Variants in DOCK1 observed in about 807,000 individuals in gnomAD.
The protein encoded by DOCK1 is dedicator of cytokinesis protein 1.
Under a neutral mutation model 262.7 loss-of-function variants are expected in DOCK1, and 138 were observed. The observed-to-expected ratio is 0.53, with a 90% CI of 0.46 to 0.61. DOCK1 has a LOEUF of 0.61. Ranked by LOEUF, DOCK1 falls within the 20% of genes least tolerant of loss-of-function variation. DOCK1 has a pLI of 0.00. For missense variants in DOCK1, 1,908 were observed against 2,370.7 expected (o/e 0.80, Z 4.05); for synonymous variants, 866 against 867.4 (o/e 1.00, Z 0.03).
intron 29 of DOCK1, among the ~76,000 whole-genome samples, chr10:127,317,001 C>A (rs192985685): frequency 6.6e-6 from 1 of 152,270 alleles, no homozygotes; most frequent in East Asian, 1.9e-4. Flanking sequence ...CTGGCTAAAG[C>A]GAGCTGACTT....
chr10:127,142,445 C>G (rs1382539961), intron 27 of DOCK1, among the ~76,000 whole-genome samples: 1 of 152,138 alleles, frequency 6.6e-6, no homozygotes, highest in Non-Finnish European at 1.5e-5. Flanking sequence ...GTGTCCATGT[C>G]ATGAGGAATT....
intron 25 of DOCK1, among the ~76,000 whole-genome samples, chr10:127,118,859 G>GACCT (rs1242331551): frequency 6.6e-6 from 1 of 152,218 alleles, no homozygotes. Context: ...AAGGAAAAGT[G>GACCT]ACCTACCAAG....
intron 49 of DOCK1, among the ~76,000 whole-genome samples, chr10:127,439,578 G>C (rs1485868840): frequency 6.6e-6 from 1 of 152,182 alleles, no homozygotes; most frequent in African/African-American, 2.4e-5. Flanking sequence ...AACAGTCCTT[G>C]GTGTCCGCTA....
In DOCK1 at chr10:127,449,213, G is replaced by A. The variant is rs2050324; in HGVS notation, c.5565+1668G>A. 4.7e-3 allele frequency among the ~76,000 whole-genome samples: 713 copies of A among 152,308 alleles called. 6 individuals carry two copies. The highest frequency in any genetic ancestry group is 0.017 in the African/African-American group (688 of 41,542). On this transcript the variant is annotated intron_variant, in intron 51 of 51. Coordinates refer to ENST00000623213, the MANE Select transcript of DOCK1 (RefSeq NM_001290223.2). ...CCCGGCCATTTCTAACTACTTGTGA[G>A]AGTAAAAGGAGATTCGGGGGGGTCT...
At chr10:127,192,474 T>G (rs532234310) in intron 27 of DOCK1, 2 of 152,368 alleles carry the variant, frequency 1.3e-5, no homozygotes, top group South Asian at 4.1e-4. Context: ...TGTTTTGTTT[T>G]TATTCAGGTA....
At chr10:127,275,908 C>T (rs1200007612) in intron 29 of DOCK1, among the ~76,000 whole-genome samples, 2 of 152,220 alleles carry the variant, frequency 1.3e-5, no homozygotes, top group Admixed American at 6.5e-5. Context: ...ATTAATATTT[C>T]ACCTTTCACC....
intron 29 of DOCK1, among the ~76,000 whole-genome samples, chr10:127,278,729 G>A (rs2060836168): frequency 6.6e-6 from 1 of 152,214 alleles, no homozygotes; most frequent in Non-Finnish European, 1.5e-5. Context: ...TCAAAAAGAT[G>A]TGTTGTTTCT....
chr10:127,315,762 A>G (rs1445739981), intron 29 of DOCK1, among the ~76,000 whole-genome samples: 1 of 152,112 alleles, frequency 6.6e-6, no homozygotes, highest in Admixed American at 6.5e-5. Context: ...CAGTGGCGCA[A>G]TCTCGGCTCA....
chr10:127,423,282 T>C (rs539051414), intron 46 of DOCK1, among the ~76,000 whole-genome samples: 71 of 152,238 alleles, frequency 4.7e-4, no homozygotes, highest in African/African-American at 1.7e-3. Flanking sequence ...CTCCTGGGAG[T>C]CCCAGGACTC....
At chr10:127,325,393 G>T (rs1185471779) in intron 29 of DOCK1, among the ~76,000 whole-genome samples, 1 of 152,152 alleles carries the variant, frequency 6.6e-6, no homozygotes, top group African/African-American at 2.4e-5. Flanking sequence ...ACTGTTCTGG[G>T]CACTCTATGC....
At chr10:127,029,766 A>G (rs748460712) in intron 16 of DOCK1, among the ~76,000 whole-genome samples, 5 of 152,160 alleles carry the variant, frequency 3.3e-5, no homozygotes, top group African/African-American at 4.8e-5. Flanking sequence ...AGGTGCACTT[A>G]CTGTACTACT....
At chr10:127,009,089 T>C (rs1302507366) in intron 11 of DOCK1, among the ~76,000 whole-genome samples, 4 of 152,348 alleles carry the variant, frequency 2.6e-5, no homozygotes, top group African/African-American at 9.6e-5. Context: ...AGCCTGAATG[T>C]TTCTTTACAT....
At chr10:126,947,063 G>T (rs964868459) in intron 1 of DOCK1, among the ~76,000 whole-genome samples, 1 of 152,248 alleles carries the variant, frequency 6.6e-6, no homozygotes, top group African/African-American at 2.4e-5. Context: ...CTTGGCAGCA[G>T]CATGCCCTCC....
chr10:127,184,610 T>C (rs1194251704), intron 27 of DOCK1, among the ~76,000 whole-genome samples: 1 of 151,910 alleles, frequency 6.6e-6, no homozygotes, highest in African/African-American at 2.4e-5. Flanking sequence ...TATAAGATCA[T>C]CTATACTTTT....
At chr10:127,097,546 C>A (rs1294709036) in intron 23 of DOCK1, among the ~76,000 whole-genome samples, 1 of 152,176 alleles carries the variant, frequency 6.6e-6, no homozygotes, top group Admixed American at 6.5e-5. Context: ...GTGCATGGGA[C>A]CCAGGTATGT....
Position 127,425,866 on chromosome 10 carries a change from T to C in DOCK1, c.4777-8T>C, listed in dbSNP as rs2068780442. 1.2e-6 allele frequency: 2 copies of C among 1,613,934 alleles called. No homozygotes were observed. The highest frequency in any genetic ancestry group is 2.2e-5 in the South Asian group (2 of 91,058). On this transcript the variant is annotated splice_region_variant and splice_polypyrimidine_tract_variant and intron_variant, in intron 46 of 51. Transcript: ENST00000623213. Reference sequence around the variant, plus strand: ...GAAATAAGGAATGTCAACCTCTCTGTTTTCCAGATTCCTTTTCTGGCCGAA... The same window carrying C: ...GAAATAAGGAATGTCAACCTCTCTGCTTTCCAGATTCCTTTTCTGGCCGAA...
intron 16 of DOCK1, among the ~76,000 whole-genome samples, chr10:127,027,412 A>C (rs2042944101): frequency 6.6e-6 from 1 of 152,166 alleles, no homozygotes; most frequent in Admixed American, 6.5e-5. Context: ...TGGGCAACAC[A>C]GTGAGACCCG....
intron 29 of DOCK1, among the ~76,000 whole-genome samples, chr10:127,326,329 G>A (rs1293865037): frequency 6.6e-6 from 1 of 152,090 alleles, no homozygotes; most frequent in Non-Finnish European, 1.5e-5. Context: ...CTCAAACTCG[G>A]CCAACTGCTT....
At chr10:126,990,431 C>T in intron 5 of DOCK1, 24 bp from the exon 6 acceptor site, 1 of 1,581,048 alleles carries the variant, frequency 6.3e-7, no homozygotes, top group Non-Finnish European at 8.6e-7. Context: ...CAAAATCTTT[C>T]TGATTGGGTT....
Sources: allele counts gnomAD v4.1 joint callset (sites outside exome capture counted in the v4.1 genomes callset), GRCh38; gene constraint gnomAD v4.1.1; transcripts MANE v1.5; gene names NCBI Gene and HGNC (gene_info 2026-07-23, HGNC 2026-07-21).